Variants in DENND4C observed in about 807,000 individuals in gnomAD.
The protein encoded by DENND4C is DENN domain-containing protein 4C.
In DENND4C, 108 loss-of-function variants were observed where a neutral mutation model predicts 203.0. The ratio of observed to expected loss-of-function variants is 0.53; its 90% CI spans 0.46 to 0.62. The LOEUF is 0.62. DENND4C is among the 20% of genes least tolerant of loss of function. The pLI, the probability that DENND4C is intolerant of heterozygous loss-of-function variation, is 0.00. For synonymous variants in DENND4C, 871 were observed against 792.4 expected, an observed-to-expected ratio of 1.10 and a Z score of -1.67; for missense variants, 2,481 against 2,301.2, an observed-to-expected ratio of 1.08 and a Z score of -1.60.
intron 6 of DENND4C, among the ~76,000 whole-genome samples, chr9:19,297,042 C>G (rs559374708): frequency 6.6e-6 from 1 of 152,228 alleles, no homozygotes; most frequent in Non-Finnish European, 1.5e-5. Flanking sequence ...GTATGTTGAG[C>G]TACTCTTTTT....
Position 19,361,935 on chromosome 9 carries a change from A to T in DENND4C, c.5496A>T (p.Glu1832Asp). 1 of 1,605,048 alleles carries T rather than the reference A, an allele frequency of 6.2e-7. No homozygotes were observed. Among genetic ancestry groups the T allele is most frequent in the Non-Finnish European group, 8.5e-7 (1 of 1,171,912 alleles). The change falls in exon 30 of 33, where the codon GAA becomes GAT. Residue 1832 changes from glutamate to aspartate, a missense_variant. Around this residue, in one of 3 missense-constraint regions of DENND4C, gnomAD observed 2,289 missense variants for 2,113.3 expected, o/e 1.08. Coordinates refer to ENST00000434457, the MANE Select transcript of DENND4C (RefSeq NM_001330640.2). ...TCAACCTTCATCAGGAACCAAGAGA[A>T]CCTCTGTATGTCTCATGGAGGAATT... ...DNINLHQEPREPLYVSWRNFN... is the reference protein window; with the variant it reads ...DNINLHQEPRDPLYVSWRNFN...
chr9:19,261,286 A>G lies in DENND4C; in HGVS notation c.-17-14872A>G, dbSNP rs965485910. ...TAGCTCTAGTATAATTTGAAGTCAG[A>G]TAATGTGATTCTTCCAGTTTTGTTT... On this transcript the variant is annotated intron_variant, in intron 1 of 32. Coordinates refer to ENST00000434457, the MANE Select transcript of DENND4C (RefSeq NM_001330640.2). Among the ~76,000 whole-genome samples, 117 of 151,722 alleles carry G rather than the reference A, an allele frequency of 7.7e-4. 1 individual carries two copies. The highest frequency in any genetic ancestry group is 2.7e-3 in the African/African-American group (111 of 41,144).
intron 1 of DENND4C, among the ~76,000 whole-genome samples, chr9:19,247,330 T>C (rs1180132573): frequency 6.6e-6 from 1 of 152,262 alleles, no homozygotes; most frequent in East Asian, 1.9e-4. Flanking sequence ...GTAAGCATTA[T>C]TAATTTGCTC....
In DENND4C at chr9:19,360,363, ATC is replaced by A; in HGVS notation, c.5282_5283del (p.Ser1761PhefsTer24). The A allele has an allele frequency of 6.2e-7, 1 of 1,614,104 alleles. No individual in the cohort carries two copies. Among genetic ancestry groups the A allele is most frequent in the South Asian group, 1.1e-5 (1 of 91,084 alleles). ...ATGAAGGTGATCAGGTGATTCATAC[ATC>A]TTCTTTCATCAATCAACATCCAATC... ...ENEGDQVIHT[S>X]SFINQHPIIF... On this transcript the variant is annotated frameshift_variant, in exon 29 of 33. Transcript: ENST00000434457. LOFTEE classifies it high-confidence loss of function.
chr9:19,304,884 T>G (rs1839362790), intron 9 of DENND4C, among the ~76,000 whole-genome samples: 1 of 151,854 alleles, frequency 6.6e-6, no homozygotes, highest in Non-Finnish European at 1.5e-5. Flanking sequence ...TAATTATCTG[T>G]TAGCATTCCC....
At chr9:19,326,815 A>G (rs766270210) in intron 15 of DENND4C, among the ~76,000 whole-genome samples, 10 of 152,186 alleles carry the variant, frequency 6.6e-5, no homozygotes, top group Admixed American at 2.6e-4. Context: ...TTTGTAATCT[A>G]TGTTTGCCTT....
chr9:19,305,048 T>C (rs1470438047), intron 9 of DENND4C, among the ~76,000 whole-genome samples: 2 of 152,108 alleles, frequency 1.3e-5, no homozygotes, highest in Non-Finnish European at 2.9e-5. Flanking sequence ...TTTTATTTTA[T>C]TTTGATTCTT....
In DENND4C at chr9:19,324,412, T is replaced by C. The variant is rs1412391332; in HGVS notation, c.1858T>C (p.Ser620Pro). Residue 620 changes from serine (S) to proline (P), a missense_variant, in exon 13 of 33, where the codon TCC (serine) becomes CCC (proline). Transcript: ENST00000434457. ...CTATGCAAAATTCTATACCCTTTTA[T>C]CCAAAACACAGATTTTTATTCGTTT... ...RAYAKFYTLLSKTQIFIRFIE... is the reference protein window; with the variant it reads ...RAYAKFYTLLPKTQIFIRFIE... The C allele has an allele frequency of 6.2e-7, 1 of 1,612,992 alleles. No individual in the cohort carries two copies. Among genetic ancestry groups the C allele is most frequent in the Non-Finnish European group, 8.5e-7 (1 of 1,179,634 alleles).
chr9:19,288,776 T>G (rs1428970387), intron 4 of DENND4C, 111 bp downstream of exon 4: 1 of 511,520 alleles, frequency 2.0e-6, no homozygotes, highest in Non-Finnish European at 3.0e-6. Flanking sequence ...AATTGATCTA[T>G]TCATAAAATT....
intron 12 of DENND4C, among the ~76,000 whole-genome samples, chr9:19,320,189 T>C (rs542123578): frequency 3.3e-5 from 5 of 152,260 alleles, no homozygotes. Context: ...TCTTTTACTT[T>C]TTTCACAAAC....
chr9:19,237,013 A>T (rs1452264528), intron 1 of DENND4C, among the ~76,000 whole-genome samples: 2 of 151,904 alleles, frequency 1.3e-5, no homozygotes, highest in African/African-American at 2.4e-5. Flanking sequence ...TTGGGCAATT[A>T]TAGGCGATTT....
intron 1 of DENND4C, among the ~76,000 whole-genome samples, chr9:19,256,295 CTGTTTTTTTTTT>C (rs1243274477): frequency 3.5e-4 from 44 of 125,672 alleles, no homozygotes; most frequent in Non-Finnish European, 6.3e-4. Context: ...TTTTTCTTTT[CTGTTTTTTTTTT>C]TGTTTTTTTT....
Position 19,298,084 on chromosome 9 carries a change from C to T in DENND4C, c.1069C>T (p.Pro357Ser). 2 of 1,607,764 alleles carry T rather than the reference C, an allele frequency of 1.2e-6. No individual in the cohort carries two copies. Among genetic ancestry groups the T allele is most frequent in the Non-Finnish European group, 1.7e-6 (2 of 1,176,876 alleles). The change falls in exon 7 of 33, where the codon CCT (proline) becomes TCT (serine). Residue 357 changes from proline (P) to serine (S), a missense_variant. Physicochemically the swap from Pro to Ser is moderately conservative, Grantham distance 74 (BLOSUM62 -1). Around this residue, in one of 3 missense-constraint regions of DENND4C, gnomAD observed 2,289 missense variants for 2,113.3 expected, o/e 1.08. Coordinates refer to ENST00000434457, the MANE Select transcript of DENND4C (RefSeq NM_001330640.2). ...KHISHFMQNI[P>S]FPSPQRPRIL... Reference sequence around the variant, plus strand: ...CATTTCACATTTTATGCAAAACATCCCTTTTCCTTCACCACAAAGACCGAG... The same window carrying T: ...CATTTCACATTTTATGCAAAACATCTCTTTTCCTTCACCACAAAGACCGAG...
intron 15 of DENND4C, among the ~76,000 whole-genome samples, 171 bp downstream of exon 15, chr9:19,326,365 T>A (rs540205193): frequency 6.6e-6 from 1 of 152,118 alleles, no homozygotes; most frequent in East Asian, 1.9e-4. Context: ...AATTTAAGAA[T>A]TGGATGGTAT....
Position 19,372,275 on chromosome 9 carries a change from G to A in DENND4C, c.*102G>A, listed in dbSNP as rs1290630792. ...CAAATCGTAAGAACTGGTGAATACG[G>A]AATTGAAGTAACTCTTGGGGACAAT... On this transcript the variant is annotated 3_prime_UTR_variant, in exon 33 of 33. Coordinates refer to ENST00000434457, the MANE Select transcript of DENND4C (RefSeq NM_001330640.2). The A allele has an allele frequency of 7.2e-7, 1 of 1,382,614 alleles. No individual in the cohort carries two copies. Among genetic ancestry groups the A allele is most frequent in the Non-Finnish European group, 9.9e-7 (1 of 1,012,658 alleles). 85.6% of individuals were successfully genotyped at this position (1,382,614 alleles called of 1,614,324 possible). A position where few individuals can be genotyped will look rare whatever the true frequency, so the allele number is the denominator to read the frequency against.
At chr9:19,333,902 G>A (rs1819837006) in intron 17 of DENND4C, among the ~76,000 whole-genome samples, 2 of 152,140 alleles carry the variant, frequency 1.3e-5, no homozygotes, top group African/African-American at 2.4e-5. Context: ...ATATTTAACT[G>A]TCTTCTCATT....
At chr9:19,305,211 A>T (rs2131374629) in intron 9 of DENND4C, 141 bp from the exon 10 acceptor site, 1 of 651,170 alleles carries the variant, frequency 1.5e-6, no homozygotes, top group African/African-American at 1.8e-5. Context: ...TTTTATAGTC[A>T]TTTAGTTTTG....
intron 1 of DENND4C, among the ~76,000 whole-genome samples, chr9:19,243,196 C>A (rs1008475870): frequency 3.3e-5 from 5 of 152,108 alleles, no homozygotes; most frequent in African/African-American, 1.2e-4. Context: ...TATTTTCTGA[C>A]TTTATAGATT....
chr9:19,313,356 C>A (rs1331959680), intron 10 of DENND4C, among the ~76,000 whole-genome samples: 2 of 152,100 alleles, frequency 1.3e-5, no homozygotes, highest in Non-Finnish European at 2.9e-5. Flanking sequence ...CACAGTAGCC[C>A]TGTATATTAG....
Sources: allele counts gnomAD v4.1 joint callset (sites outside exome capture counted in the v4.1 genomes callset), GRCh38; gene constraint gnomAD v4.1.1; regional missense constraint gnomAD v4.1.1; transcripts MANE v1.5; gene names NCBI Gene and HGNC (gene_info 2026-07-23, HGNC 2026-07-21).